Variants in DMD observed in about 807,000 individuals in gnomAD.
The protein encoded by DMD is dystrophin, also known as mutant dystrophin.
Under a neutral mutation model 330.1 loss-of-function variants are expected in DMD, and 63 were observed. The ratio of observed to expected loss-of-function variants is 0.19; its 90% CI spans 0.16 to 0.24. The LOEUF is 0.24. Ranked by LOEUF, DMD falls within the 10% of genes least tolerant of loss-of-function variation. The pLI is 1.00. For synonymous variants in DMD, 1,223 were observed against 959.8 expected (o/e 1.27, Z -5.07); for missense variants, 3,344 against 2,684.1 (o/e 1.25, Z -5.43).
rs187599257 is a variant in DMD at position 32,903,569 on chromosome X, C to T, written c.94-53749G>A. The stretch of plus-strand genomic sequence containing the variant: ...TCCCAGTCCCTCATACCCAGAGATT[C>T]TGATTTAATTTATCTTGGGTGGAGC... On this transcript the variant is annotated intron_variant, in intron 2 of 78. Coordinates refer to ENST00000357033, the MANE Select transcript of DMD (RefSeq NM_004006.3). Among the ~76,000 whole-genome samples, 331 of 111,437 alleles carry T rather than the reference C, an allele frequency of 3.0e-3. 3 individuals are homozygous for T. Among genetic ancestry groups the T allele is most frequent in the African/African-American group, 0.01 (314 of 30,669 alleles).
intron 2 of DMD, among the ~76,000 whole-genome samples, chrX:33,016,202 G>A (rs1443045038): frequency 9.0e-6 from 1 of 111,108 alleles, no homozygotes; most frequent in Non-Finnish European, 1.9e-5. Flanking sequence ...TGATTTAGCC[G>A]GAGATAAGAT....
chrX:32,210,881 G>A (rs748230668), intron 44 of DMD, among the ~76,000 whole-genome samples: 2 of 111,635 alleles, frequency 1.8e-5, no homozygotes, highest in South Asian at 3.8e-4. Context: ...AGAGGAGGAC[G>A]GTCTTTTCAT....
At position 32,960,418 on chromosome X, in the gene DMD, T is replaced by G. The variant is rs2091836414; in HGVS notation, c.93+59721A>C. 3.6e-5 allele frequency: 4 copies of G among 112,132 alleles called. No homozygotes were observed. In the South Asian group the frequency reaches 1.1e-3, roughly 31 times the overall value. The allele number at this position is 112,132 out of a possible 1,213,427, so 9.2% of individuals were successfully genotyped here. On this transcript the variant is annotated intron_variant, in intron 2 of 78. Transcript: ENST00000357033. The stretch of plus-strand genomic sequence containing the variant: ...TCTCTAGGATAACTCTAGCCCCACT[T>G]AAGGTGCATTTCTGAGAAAACTCAA...
chrX:32,285,560 T>C (rs182230634), intron 43 of DMD, among the ~76,000 whole-genome samples: 267 of 111,075 alleles, frequency 2.4e-3, no homozygotes, highest in South Asian at 5.4e-3. Flanking sequence ...ATTACAGGCA[T>C]GAGCCACCAT....
At chrX:33,040,977 A>G (rs997004989) in intron 1 of DMD, among the ~76,000 whole-genome samples, 1 of 112,133 alleles carries the variant, frequency 8.9e-6, no homozygotes, top group Non-Finnish European at 1.9e-5. Context: ...AACATCCAAA[A>G]CTTTCACAAA....
chrX:32,823,417 G>T, intron 4 of DMD, 30 bp from the exon 5 acceptor site: 1 of 1,003,793 alleles, frequency 1.0e-6, no homozygotes, highest in Non-Finnish European at 1.4e-6. Context: ...AACATTTGAA[G>T]GTAAGAGACC....
At chrX:33,082,490 A>C (rs1053167996) in intron 1 of DMD, among the ~76,000 whole-genome samples, 1 of 111,763 alleles carries the variant, frequency 8.9e-6, no homozygotes, top group Non-Finnish European at 1.9e-5. Context: ...ACAAATCAGA[A>C]AGGAATCATT....
chrX:31,618,175 A>G (rs1325738892), intron 55 of DMD, among the ~76,000 whole-genome samples: 2 of 108,518 alleles, frequency 1.8e-5, no homozygotes, highest in Non-Finnish European at 3.8e-5. Context: ...CTCCCATGAC[A>G]TGCAATTTAC....
At chrX:32,200,491 CAT>C (rs888893390) in intron 44 of DMD, among the ~76,000 whole-genome samples, 1 of 111,080 alleles carries the variant, frequency 9.0e-6, no homozygotes, top group Admixed American at 9.5e-5. Context: ...TAACACGTTA[CAT>C]ATGTGTTGCA....
chrX:32,735,425 G>C (rs767578369), intron 7 of DMD, among the ~76,000 whole-genome samples: 2,978 of 110,387 alleles, frequency 0.027, 120 homozygotes, highest in African/African-American at 0.093. Context: ...CTTTAAAGTT[G>C]ATATGGAACC....
At chrX:31,749,369 C>T (rs1453487082) in intron 51 of DMD, among the ~76,000 whole-genome samples, 1 of 97,626 alleles carries the variant, frequency 1.0e-5, no homozygotes, top group Non-Finnish European at 2.0e-5. Context: ...GTTCAATTCC[C>T]ACCTATGAAT....
chrX:33,039,294 A>G (rs2042139639), intron 1 of DMD, among the ~76,000 whole-genome samples: 2 of 111,295 alleles, frequency 1.8e-5, no homozygotes, highest in South Asian at 3.8e-4. Context: ...ACTTGAGAAT[A>G]AACTATCAGT....
chrX:32,814,244 C>T (rs763535151), intron 6 of DMD, among the ~76,000 whole-genome samples: 2 of 112,240 alleles, frequency 1.8e-5, no homozygotes, highest in Non-Finnish European at 3.8e-5. Flanking sequence ...ATCTTTTGTA[C>T]ATATTTCTAA....
intron 44 of DMD, among the ~76,000 whole-genome samples, chrX:32,071,934 T>C (rs963045444): frequency 1.8e-5 from 2 of 111,536 alleles, no homozygotes; most frequent in Non-Finnish European, 3.8e-5. Flanking sequence ...TAATGCAACG[T>C]GTTAGTAATT....
chrX:33,282,793 A>AGCTG (rs1463276076), intron 1 of DMD, among the ~76,000 whole-genome samples: 2 of 112,139 alleles, frequency 1.8e-5, no homozygotes, highest in African/African-American at 6.5e-5. Flanking sequence ...AGAGGAAACT[A>AGCTG]GCTGGGCTGC....
rs148351910 is a variant in DMD, at chrX:31,199,808, A to T, written c.9807+4153T>A. Among the ~76,000 whole-genome samples the T allele has an allele frequency of 1.9e-3, 217 of 112,496 alleles. 1 individual carries two copies. Among genetic ancestry groups the T allele is most frequent in the African/African-American group, 6.7e-3 (207 of 31,003 alleles). ...CAAGTACTTTATTACCGTTTACCTC[A>T]GGCTGGTAGAAATAGCAGCCTTTGA... On this transcript the variant is annotated intron_variant, in intron 67 of 78. Coordinates refer to ENST00000357033, the MANE Select transcript of DMD (RefSeq NM_004006.3).
intron 44 of DMD, among the ~76,000 whole-genome samples, chrX:31,994,125 T>A (rs928859073): frequency 9.0e-6 from 1 of 111,578 alleles, no homozygotes; most frequent in African/African-American, 3.3e-5. Context: ...AAACGCCAAC[T>A]GTTAGAAGCG....
chrX:31,442,161 T>C (rs17338556), intron 60 of DMD, among the ~76,000 whole-genome samples: 12,104 of 111,573 alleles, frequency 0.11, 568 homozygotes, highest in East Asian at 0.29. Context: ...AGGAACTTCA[T>C]TGGTTTTAAA....
chrX:33,009,093 CGTATATATGTATATATATGTGTATAT>C lies in DMD; in HGVS notation c.93+11020_93+11045del, dbSNP rs2093491342. Among the ~76,000 whole-genome samples, 3 of 24,985 alleles carry C rather than the reference CGTATATATGTATATATATGTGTATAT, an allele frequency of 1.2e-4. 1 individual carries two copies. The highest frequency in any genetic ancestry group is 2.5e-4 in the Non-Finnish European group (3 of 11,839). The allele number at this position is 24,985 out of a possible 115,157, so 21.7% of individuals were successfully genotyped here. A position where few individuals can be genotyped will look rare whatever the true frequency, so the allele number is the denominator to read the frequency against. On this transcript the variant is annotated intron_variant, in intron 2 of 78. Transcript: ENST00000357033. ...ACATATACATATATGTGTATATATA[CGTATATATGTATATATATGTGTATAT>C]ATACGTATATATGTATATATATGTG...
Sources: gnomAD v4.1 joint callset for allele counts (sites outside exome capture counted in the v4.1 genomes callset) on GRCh38, gnomAD v4.1.1 for gene constraint, MANE v1.5 for transcripts, NCBI Gene and HGNC (gene_info 2026-07-23, HGNC 2026-07-21) for gene names.